The following QRICH1 variants were observed in gnomAD, a reference collection of about 807,000 sequenced individuals.
QRICH1 encodes the protein transcriptional regulator QRICH1.
A neutral mutation model predicts 87.1 loss-of-function variants in QRICH1; 16 were observed. The ratio of observed to expected loss-of-function variants is 0.18; its 90% CI spans 0.12 to 0.28. The LOEUF (loss-of-function observed/expected upper bound fraction) is 0.28, where lower values mean the gene tolerates loss of function less well. Ranked by LOEUF, QRICH1 falls within the 10% of genes least tolerant of loss-of-function variation. The pLI is 1.00. For missense variants in QRICH1, 647 were observed against 951.7 expected (o/e 0.68, Z 4.21); for synonymous variants, 367 against 368.4 (o/e 1.00, Z 0.05).
rs1410004775 is a variant in QRICH1 at position 49,030,103 on chromosome 3, T to G, written c.*349A>C. On this transcript the variant is annotated 3_prime_UTR_variant, in exon 10 of 10. Coordinates refer to ENST00000395443, the MANE Select transcript of QRICH1 (RefSeq NM_198880.3). ...CTGGGGAGATTCCCTCCAGGGTCCA[T>G]CCATCATTAATTCCATCTCTCTTGA... 8.0e-6 allele frequency: 3 copies of G among 375,688 alleles called. No individual in the cohort carries two copies. The highest frequency in any genetic ancestry group is 1.4e-5 in the Non-Finnish European group (3 of 210,508). 23.3% of individuals were successfully genotyped at this position (375,688 alleles called of 1,614,324 possible). A position where few individuals can be genotyped will look rare whatever the true frequency, so the allele number is the denominator to read the frequency against.
intron 6 of QRICH1, chr3:49,033,682 T>G (rs2093256233): frequency 6.6e-6 from 1 of 152,330 alleles, no homozygotes; most frequent in South Asian, 2.1e-4. Flanking sequence ...TTCTCTCATC[T>G]CAACTGTCTC....
intron 6 of QRICH1, among the ~76,000 whole-genome samples, chr3:49,041,631 A>G (rs1212751488): frequency 8.3e-5 from 12 of 144,250 alleles, no homozygotes; most frequent in Admixed American, 3.5e-4. Flanking sequence ...ACCAGCTGCT[A>G]CTCCTTTTTT....
chr3:49,033,180 T>C lies in QRICH1; in HGVS notation c.1835A>G (p.Lys612Arg), dbSNP rs768661372. The change falls in exon 7 of 10, where the codon AAG (lysine) becomes AGG (arginine). Residue 612 changes from lysine to arginine, a missense_variant. Transcript: ENST00000395443. ...HVTEEMLWEC[K>R]QLGAHSPSTL... ...GGAGGGGGAGTGAGCCCCAAGCTGC[T>C]TGCACTCCCATAGCATCTCCTCAGT... is the stretch of plus-strand genomic sequence containing the variant. The C allele has an allele frequency of 7.6e-6, 12 of 1,588,864 alleles. No individual in the cohort carries two copies. Among genetic ancestry groups the C allele is most frequent in the Non-Finnish European group, 3.4e-6 (4 of 1,168,684 alleles).
chr3:49,067,740 GGAGGCCAAGGCAGGCGGATCAC>G (rs1368179853), intron 2 of QRICH1, among the ~76,000 whole-genome samples: 1 of 152,000 alleles, frequency 6.6e-6, no homozygotes, highest in Non-Finnish European at 1.5e-5. Context: ...CAGCACTTTG[GGAGGCCAAGGCAGGCGGATCAC>G]GAGGTCAAGA....
chr3:49,094,316 A>T (rs2042339736), upstream of QRICH1: 1 of 341,192 alleles, frequency 2.9e-6, no homozygotes, highest in South Asian at 1.5e-4. Flanking sequence ...CTAGGGCTCC[A>T]AGCTAGCTCT....
intron 9 of QRICH1, among the ~76,000 whole-genome samples, chr3:49,030,872 C>G (rs1443475614): frequency 6.6e-6 from 1 of 152,138 alleles, no homozygotes; most frequent in East Asian, 1.9e-4. Flanking sequence ...TCCCACAAAC[C>G]AGCTGTGATC....
At chr3:49,078,424 T>C (rs1481486834) in intron 1 of QRICH1, among the ~76,000 whole-genome samples, 5 of 126,566 alleles carry the variant, frequency 4.0e-5, no homozygotes, top group African/African-American at 1.5e-4. Flanking sequence ...AGATGGAGTC[T>C]CATTCTGTTG....
chr3:49,031,875 A>C (rs909207247), intron 9 of QRICH1, among the ~76,000 whole-genome samples: 2 of 152,222 alleles, frequency 1.3e-5, no homozygotes, highest in Non-Finnish European at 2.9e-5. Flanking sequence ...CAGTGACAAA[A>C]GGTCAAGGTC....
At chr3:49,051,055 T>C (rs1206675766) in intron 3 of QRICH1, among the ~76,000 whole-genome samples, 2 of 152,160 alleles carry the variant, frequency 1.3e-5, no homozygotes, top group African/African-American at 4.8e-5. Context: ...CCCTTTCTTC[T>C]ACTTTTAATC....
At chr3:49,060,030 G>A (rs989606047) in intron 2 of QRICH1, among the ~76,000 whole-genome samples, 1 of 149,986 alleles carries the variant, frequency 6.7e-6, no homozygotes, top group Non-Finnish European at 1.5e-5. Context: ...GACTACAGGT[G>A]CGTGCCACCA....
intron 3 of QRICH1, among the ~76,000 whole-genome samples, chr3:49,048,277 C>T (rs1049944200): frequency 7.3e-5 from 11 of 151,660 alleles, no homozygotes; most frequent in Non-Finnish European, 1.3e-4. Flanking sequence ...GGATTACAGG[C>T]ATGTGCCACC....
At chr3:49,093,810 A>C in intron 1 of QRICH1, 102 bp downstream of exon 1, 4 of 355,556 alleles carry the variant, frequency 1.1e-5, no homozygotes, top group Non-Finnish European at 1.0e-5. Context: ...TCCAGGGCCC[A>C]GCGGTAGTGG....
At chr3:49,053,331 A>G (rs1160560289) in intron 3 of QRICH1, among the ~76,000 whole-genome samples, 1 of 151,936 alleles carries the variant, frequency 6.6e-6, no homozygotes, top group Non-Finnish European at 1.5e-5. Flanking sequence ...TACTAAAAAT[A>G]CAAAAAATTA....
At chr3:49,091,010 C>T (rs911501263) in intron 1 of QRICH1, among the ~76,000 whole-genome samples, 1 of 152,090 alleles carries the variant, frequency 6.6e-6, no homozygotes, top group African/African-American at 2.4e-5. Context: ...ATCCCGAGGT[C>T]AGGAGATTGA....
chr3:49,048,663 C>T (rs1238395364), intron 3 of QRICH1, among the ~76,000 whole-genome samples: 1 of 150,520 alleles, frequency 6.6e-6, no homozygotes, highest in Non-Finnish European at 1.5e-5. Flanking sequence ...TGGCGGGCGC[C>T]TGTAGTCCCA....
intron 6 of QRICH1, among the ~76,000 whole-genome samples, chr3:49,035,659 AC>A (rs1214829789): frequency 6.6e-6 from 1 of 151,544 alleles, no homozygotes; most frequent in African/African-American, 2.4e-5. Flanking sequence ...AAAAAAAAAA[AC>A]AAAAAAAAAC....
intron 1 of QRICH1, among the ~76,000 whole-genome samples, chr3:49,091,050 G>A (rs1030898289): frequency 6.6e-6 from 1 of 151,950 alleles, no homozygotes; most frequent in Non-Finnish European, 1.5e-5. Flanking sequence ...GTAAAACCCC[G>A]TTTCTACTAA....
chr3:49,076,575 G>T, intron 2 of QRICH1, 134 bp downstream of exon 2: 9 of 875,446 alleles, frequency 1.0e-5, no homozygotes, highest in Non-Finnish European at 1.4e-5. Flanking sequence ...AAAACTTTTA[G>T]TCCACATTAA....
chr3:49,063,645 C>T (rs978881008), intron 2 of QRICH1, among the ~76,000 whole-genome samples: 5 of 152,032 alleles, frequency 3.3e-5, no homozygotes, highest in African/African-American at 7.2e-5. Context: ...TTAAAAATTA[C>T]CTGGGCGTGG....
Sources: allele counts gnomAD v4.1 joint callset (sites outside exome capture counted in the v4.1 genomes callset), GRCh38; gene constraint gnomAD v4.1.1; transcripts MANE v1.5; gene names NCBI Gene and HGNC (gene_info 2026-07-23, HGNC 2026-07-21).